Variants in FRMPD4 observed in about 807,000 individuals in gnomAD.
FRMPD4 encodes FERM and PDZ domain containing 4, also known as FERM and PDZ domain-containing protein 4.
In FRMPD4, 22 loss-of-function variants were observed where a neutral mutation model predicts 94.1. That is an observed-to-expected ratio of 0.23 (90% CI 0.17 to 0.33). FRMPD4 has a LOEUF of 0.33. Among genes scored for constraint, FRMPD4 ranks in the 10% least tolerant of loss-of-function variants. FRMPD4 has a pLI of 1.00. For missense variants in FRMPD4, 1,111 were observed against 1,339.9 expected, an observed-to-expected ratio of 0.83 and a Z score of 2.67; for synonymous variants, 631 against 548.6, an observed-to-expected ratio of 1.15 and a Z score of -2.10.
At chrX:12,095,377 C>CAAA (rs201645954) in intron 3 of FRMPD4, among the ~76,000 whole-genome samples, 180 of 72,816 alleles carry the variant, frequency 2.5e-3, no homozygotes, top group African/African-American at 8.4e-3. Context: ...CTCTCTGTCT[C>CAAA]AAAAAAAAAA....
At chrX:12,428,101 C>T (rs1450509014) in intron 1 of FRMPD4, among the ~76,000 whole-genome samples, 13 of 108,140 alleles carry the variant, frequency 1.2e-4, no homozygotes, top group African/African-American at 4.0e-4. Flanking sequence ...ATAGTAGAGA[C>T]GGGGTTTCAC....
intron 3 of FRMPD4, among the ~76,000 whole-genome samples, chrX:11,906,600 A>G (rs1235096185): frequency 1.8e-5 from 2 of 109,423 alleles, no homozygotes; most frequent in African/African-American, 6.7e-5. Flanking sequence ...TATTTTTTTC[A>G]CTGTATATAA....
chrX:12,438,934 C>T (rs977382209), intron 1 of FRMPD4, among the ~76,000 whole-genome samples: 2 of 111,069 alleles, frequency 1.8e-5, no homozygotes, highest in Non-Finnish European at 3.8e-5. Context: ...CTCTGTGCGT[C>T]GCTCACCTTT....
intron 16 of FRMPD4, among the ~76,000 whole-genome samples, chrX:12,720,054 GAAAGAAAGAAA>G (rs1267813308): frequency 1.5e-4 from 3 of 19,856 alleles, no homozygotes; most frequent in Non-Finnish European, 3.0e-4. Context: ...GGAAAGGAAA[GAAAGAAAGAAA>G]GAAAGAAAGA....
chrX:12,314,821 A>G (rs1012550115), intron 1 of FRMPD4, among the ~76,000 whole-genome samples: 33 of 111,641 alleles, frequency 3.0e-4, no homozygotes, highest in Non-Finnish European at 6.0e-4. Context: ...TGACACAGCT[A>G]ACACTGTGAA....
At chrX:12,409,247 G>A (rs770485392) in intron 1 of FRMPD4, among the ~76,000 whole-genome samples, 2 of 111,716 alleles carry the variant, frequency 1.8e-5, no homozygotes, top group East Asian at 5.6e-4. Context: ...CCATCTTTGT[G>A]GAGACCTTGT....
At chrX:12,571,966 A>G (rs919859234) in intron 2 of FRMPD4, among the ~76,000 whole-genome samples, 2 of 112,427 alleles carry the variant, frequency 1.8e-5, no homozygotes, top group Admixed American at 9.4e-5. Flanking sequence ...GAAAACAGAA[A>G]AGGAAAACAT....
intron 4 of FRMPD4, among the ~76,000 whole-genome samples, chrX:12,648,698 A>G (rs1439985689): frequency 8.9e-6 from 1 of 112,421 alleles, no homozygotes; most frequent in African/African-American, 3.2e-5. Context: ...CACAACATGT[A>G]TCTTTATTGG....
intron 3 of FRMPD4, among the ~76,000 whole-genome samples, chrX:12,105,509 T>A (rs554114814): frequency 1.8e-5 from 2 of 112,325 alleles, no homozygotes; most frequent in South Asian, 7.4e-4. Context: ...TGTAGTAACA[T>A]CAGAATTATT....
intron 3 of FRMPD4, among the ~76,000 whole-genome samples, chrX:11,892,267 C>T (rs887392614): frequency 5.4e-5 from 6 of 111,995 alleles, no homozygotes; most frequent in African/African-American, 9.7e-5. Context: ...AATCCTGCCT[C>T]GGAGCATATC....
intron 1 of FRMPD4, among the ~76,000 whole-genome samples, chrX:11,843,766 A>C (rs1194847499): frequency 9.1e-6 from 1 of 109,409 alleles, no homozygotes; most frequent in African/African-American, 3.3e-5. Flanking sequence ...CACCAGGCTG[A>C]TGTTGAACTG....
chrX:12,247,373 C>T (rs1387222455), intron 1 of FRMPD4, among the ~76,000 whole-genome samples: 1 of 111,200 alleles, frequency 9.0e-6, no homozygotes, highest in Non-Finnish European at 1.9e-5. Flanking sequence ...ACTAATCACA[C>T]CAGTAACCCA....
Position 12,718,418 on chromosome X carries a change from C to T in FRMPD4, c.3592C>T (p.Arg1198Trp), listed in dbSNP as rs1230429841. 6.6e-6 allele frequency: 8 copies of T among 1,210,264 alleles called. No homozygotes were observed. Among genetic ancestry groups the T allele is most frequent in the Non-Finnish European group, 8.9e-6 (8 of 894,127 alleles). Residue 1198 changes from arginine to tryptophan, a missense_variant, in exon 16 of 17, where the codon CGG (arginine) becomes TGG (tryptophan). Transcript: ENST00000675598. ...ARLCDYHLAKRMSSLQSEGHF... is the reference protein window; with the variant it reads ...ARLCDYHLAKWMSSLQSEGHF... ...CCTTTGTGACTACCACTTGGCCAAG[C>T]GGATGTCATCACTGCAAAGCGAGGG...
chrX:12,327,976 C>T (rs1569232710), intron 1 of FRMPD4, among the ~76,000 whole-genome samples: 2 of 111,575 alleles, frequency 1.8e-5, no homozygotes, highest in East Asian at 5.6e-4. Flanking sequence ...TTCTCTTCCC[C>T]TTGAATCTGG....
intron 3 of FRMPD4, among the ~76,000 whole-genome samples, chrX:12,037,779 G>T (rs941520792): frequency 2.7e-5 from 3 of 110,532 alleles, no homozygotes; most frequent in African/African-American, 9.9e-5. Context: ...TTCTCCTCTT[G>T]CATTCATGTG....
rs1244160320 is a variant in FRMPD4, at chrX:12,716,172, A to T, written c.1713A>T (p.Thr571=). 5.0e-6 allele frequency: 6 copies of T among 1,206,644 alleles called. No homozygotes were observed. Among genetic ancestry groups the T allele is most frequent in the Non-Finnish European group, 6.7e-6 (6 of 890,873 alleles). The change falls in exon 15 of 17, where the codon ACA becomes ACT. Residue 571 remains threonine, a synonymous_variant. Coordinates refer to ENST00000675598, the MANE Select transcript of FRMPD4 (RefSeq NM_001368397.1). ...AAGGGGAACAAGAAGCCCAGATAACATACATAGATTCAAAGCAGAAGACGG... is the reference window on the plus strand; with the variant it reads ...AAGGGGAACAAGAAGCCCAGATAACTTACATAGATTCAAAGCAGAAGACGG... The part of the protein sequence containing the change: ...IGEGEQEAQI[T]YIDSKQKTVE...
At chrX:12,381,148 A>T (rs915469547) in intron 1 of FRMPD4, among the ~76,000 whole-genome samples, 3 of 112,382 alleles carry the variant, frequency 2.7e-5, no homozygotes, top group African/African-American at 9.7e-5. Flanking sequence ...AACTGGAGTG[A>T]AAGCAATGAA....
chrX:12,710,141 CA>C (rs1569068280), intron 13 of FRMPD4, among the ~76,000 whole-genome samples: 1 of 100,465 alleles, frequency 1.0e-5, no homozygotes, highest in East Asian at 2.9e-4. Flanking sequence ...TATAGATAGA[CA>C]GATAGATAGA....
At chrX:12,270,879 A>G (rs761169968) in intron 1 of FRMPD4, among the ~76,000 whole-genome samples, 148 of 111,791 alleles carry the variant, frequency 1.3e-3, no homozygotes, top group African/African-American at 4.7e-3. Context: ...ACACTATACT[A>G]TGGTTATGGA....
Sources: gnomAD v4.1 joint callset for allele counts (sites outside exome capture counted in the v4.1 genomes callset) on GRCh38, gnomAD v4.1.1 for gene constraint, MANE v1.5 for transcripts, NCBI Gene and HGNC (gene_info 2026-07-23, HGNC 2026-07-21) for gene names.